Variants in JAZF1 observed in about 807,000 individuals in gnomAD.
The protein encoded by JAZF1 is juxtaposed with another zinc finger protein 1.
JAZF1 carries 8 observed loss-of-function variants against 26.4 expected under a neutral mutation model. The ratio of observed to expected loss-of-function variants is 0.30; its 90% confidence interval spans 0.18 to 0.55. JAZF1 has a LOEUF of 0.55. Among genes scored for constraint, JAZF1 ranks in the 20% least tolerant of loss-of-function variants. The probability of loss-of-function intolerance (pLI) is 0.94; values close to 1 mark genes in which losing one functional copy is unlikely to be tolerated. For synonymous variants in JAZF1, 126 were observed against 122.3 expected (o/e 1.03, Z -0.20); for missense variants, 199 against 322.0 (o/e 0.62, Z 2.92).
intron 1 of JAZF1, 21 bp from the exon 2 acceptor site, chr7:27,992,002 C>A (rs372817233): frequency 1.4e-6 from 2 of 1,479,078 alleles, no homozygotes; most frequent in Non-Finnish European, 1.9e-6. Context: ...AACACAATTA[C>A]GATTTTTTTT....
chr7:28,099,767 C>T (rs2015027), intron 1 of JAZF1, among the ~76,000 whole-genome samples: 19,706 of 152,192 alleles, frequency 0.13, 1,906 homozygotes, highest in East Asian at 0.56. Flanking sequence ...CGATCCACCG[C>T]GCCTGGCCTT....
intron 3 of JAZF1, among the ~76,000 whole-genome samples, chr7:27,853,686 T>C (rs978992698): frequency 6.6e-6 from 1 of 152,240 alleles, no homozygotes; most frequent in Non-Finnish European, 1.5e-5. Context: ...TGTACAGTTT[T>C]GAGTGAGTTT....
intron 1 of JAZF1, among the ~76,000 whole-genome samples, chr7:28,077,554 T>C (rs1165745748): frequency 3.3e-5 from 5 of 151,332 alleles, no homozygotes; most frequent in Non-Finnish European, 7.4e-5. Context: ...TAAAATTAAT[T>C]ACCTGATAGA....
At chr7:27,994,403 A>T (rs1361817695) in intron 1 of JAZF1, among the ~76,000 whole-genome samples, 2 of 151,862 alleles carry the variant, frequency 1.3e-5, no homozygotes, top group Non-Finnish European at 2.9e-5. Context: ...AGTGGGAAAC[A>T]GACTTCTGGA....
intron 1 of JAZF1, among the ~76,000 whole-genome samples, chr7:28,054,037 A>ATATG (rs1325332008): frequency 1.3e-5 from 2 of 152,250 alleles, no homozygotes; most frequent in African/African-American, 2.4e-5. Context: ...CTCACTTTGC[A>ATATG]TATATACCTC....
intron 3 of JAZF1, among the ~76,000 whole-genome samples, chr7:27,876,271 C>G (rs1583442936): frequency 1.3e-5 from 2 of 152,328 alleles, no homozygotes; most frequent in Non-Finnish European, 2.9e-5. Context: ...TTATCTAATA[C>G]AGCATAATTC....
chr7:28,025,438 C>A (rs533685585), intron 1 of JAZF1, among the ~76,000 whole-genome samples: 1 of 152,116 alleles, frequency 6.6e-6, no homozygotes, highest in Non-Finnish European at 1.5e-5. Context: ...CATGAAAACA[C>A]GGGAAAAGGT....
intron 3 of JAZF1, among the ~76,000 whole-genome samples, chr7:27,873,014 CAT>C (rs1783612338): frequency 2.0e-5 from 3 of 152,018 alleles, no homozygotes. Flanking sequence ...TTGGGCCAAA[CAT>C]AAACATTCCA....
chr7:28,176,243 GCTGAGGATCCTAACAT>G (rs1223245560), intron 1 of JAZF1, among the ~76,000 whole-genome samples: 1 of 152,212 alleles, frequency 6.6e-6, no homozygotes, highest in Non-Finnish European at 1.5e-5. Flanking sequence ...CAATAGCAAA[GCTGAGGATCCTAACAT>G]CTGAGGAAAG....
intron 1 of JAZF1, among the ~76,000 whole-genome samples, chr7:28,163,784 A>G (rs1783325968): frequency 6.6e-6 from 1 of 152,182 alleles, no homozygotes. Context: ...CTGTTTAAAG[A>G]GTACCGTGGT....
chr7:28,094,455 C>T (rs1784350385), intron 1 of JAZF1, among the ~76,000 whole-genome samples: 1 of 152,222 alleles, frequency 6.6e-6, no homozygotes. Context: ...TGCCTATCCG[C>T]TCCGTAGCAC....
intron 2 of JAZF1, among the ~76,000 whole-genome samples, chr7:27,958,940 G>C (rs1785144658): frequency 6.6e-6 from 1 of 152,172 alleles, no homozygotes; most frequent in Non-Finnish European, 1.5e-5. Flanking sequence ...GGTTTTACTA[G>C]CAGTACCAGT....
chr7:28,061,854 T>C (rs910236085), intron 1 of JAZF1, among the ~76,000 whole-genome samples: 3 of 152,240 alleles, frequency 2.0e-5, no homozygotes, highest in African/African-American at 4.8e-5. Context: ...TTTTAAAGTA[T>C]CAAAATCAAT....
intron 1 of JAZF1, among the ~76,000 whole-genome samples, chr7:28,144,811 C>T (rs1783001204): frequency 6.6e-6 from 1 of 152,066 alleles, no homozygotes; most frequent in South Asian, 2.1e-4. Flanking sequence ...CCTAATTTTC[C>T]GATTTCAGCC....
Position 28,180,613 on chromosome 7 carries a change from G to C in JAZF1, c.-36C>G. On this transcript the variant is annotated 5_prime_UTR_variant, in exon 1 of 5. Coordinates refer to ENST00000283928, the MANE Select transcript of JAZF1 (RefSeq NM_175061.4). ...CGAGAGCCCCCCTGGTGTCGGCTCT[G>C]CGAGCGCCGGGCGGGCGAGGGAGGG... 6.4e-7 allele frequency: 1 copy of C among 1,561,470 alleles called. No individual in the cohort carries two copies. The highest frequency in any genetic ancestry group is 8.8e-7 in the Non-Finnish European group (1 of 1,141,090).
chr7:28,033,806 G>A (rs962982675), intron 1 of JAZF1, among the ~76,000 whole-genome samples: 1 of 152,102 alleles, frequency 6.6e-6, no homozygotes, highest in Non-Finnish European at 1.5e-5. Flanking sequence ...GCAGAGACAC[G>A]ATCTCGGCTC....
intron 1 of JAZF1, among the ~76,000 whole-genome samples, chr7:28,158,666 T>C (rs1783230935): frequency 1.3e-5 from 2 of 152,148 alleles, no homozygotes; most frequent in South Asian, 4.1e-4. Context: ...CAACAATACA[T>C]GGGGCTAAGA....
intron 2 of JAZF1, among the ~76,000 whole-genome samples, chr7:27,926,223 C>A (rs1196369845): frequency 6.6e-6 from 1 of 152,116 alleles, no homozygotes; most frequent in African/African-American, 2.4e-5. Context: ...GCTGAGAGTA[C>A]AATTATGAAA....
In JAZF1 at chr7:28,179,465, G is replaced by A. The variant is rs577238322; in HGVS notation, c.115+998C>T. Among the ~76,000 whole-genome samples, 47 of 152,130 alleles carry A rather than the reference G, an allele frequency of 3.1e-4. No individual in the cohort carries two copies. In the South Asian group the frequency reaches 9.7e-3, roughly 32 times the overall value. ...GGCCCGGGGCGCTGCGCAGGCCGCC[G>A]CCGATCCCAGGGCGCAGCCAGCGCA... On this transcript the variant is annotated intron_variant, in intron 1 of 4. Coordinates refer to ENST00000283928, the MANE Select transcript of JAZF1 (RefSeq NM_175061.4).
Sources: allele counts gnomAD v4.1 joint callset (sites outside exome capture counted in the v4.1 genomes callset), GRCh38; gene constraint gnomAD v4.1.1; transcripts MANE v1.5; gene names NCBI Gene and HGNC (gene_info 2026-07-23, HGNC 2026-07-21).